Variants in NCOA3 observed in about 807,000 individuals in gnomAD.
NCOA3 encodes nuclear receptor coactivator 3.
NCOA3 carries 51 observed loss-of-function variants against 158.8 expected under a neutral mutation model. That is an observed-to-expected ratio of 0.32 (90% CI 0.26 to 0.41). NCOA3 has a LOEUF of 0.41. Among genes scored for constraint, NCOA3 ranks in the 10% least tolerant of loss-of-function variants. The pLI is 1.00. For missense variants in NCOA3, 1,510 were observed against 1,746.6 expected (o/e 0.86, Z 2.41); for synonymous variants, 537 against 592.4 (o/e 0.91, Z 1.36).
chr20:47,526,361 C>T (rs1237818589), intron 1 of NCOA3, among the ~76,000 whole-genome samples: 24 of 152,084 alleles, frequency 1.6e-4, no homozygotes, highest in Non-Finnish European at 2.2e-4. Flanking sequence ...GACGGGGTGG[C>T]GGCCGGGCAG....
chr20:47,505,003 G>GGTTTTTTTT (rs2084004306), intron 1 of NCOA3, among the ~76,000 whole-genome samples: 2 of 28,550 alleles, frequency 7.0e-5, no homozygotes, highest in African/African-American at 1.8e-4. Context: ...TGGGTTTTTG[G>GGTTTTTTTT]TTTTTTTTTT....
chr20:47,554,043 C>T (rs1395323968), intron 1 of NCOA3, among the ~76,000 whole-genome samples: 1 of 152,218 alleles, frequency 6.6e-6, no homozygotes, highest in Non-Finnish European at 1.5e-5. Context: ...TATTTCTCCA[C>T]ATCCTCTCCA....
intron 2 of NCOA3, among the ~76,000 whole-genome samples, chr20:47,596,434 T>C (rs981228008): frequency 6.6e-5 from 10 of 152,242 alleles, no homozygotes; most frequent in Admixed American, 2.6e-4. Context: ...GAGTTTCTTC[T>C]AGCTTTTGAA....
chr20:47,537,809 G>A (rs1478436770), intron 1 of NCOA3, among the ~76,000 whole-genome samples: 1 of 152,060 alleles, frequency 6.6e-6, no homozygotes, highest in Non-Finnish European at 1.5e-5. Flanking sequence ...TTGATCTCCT[G>A]ACCTGGTTGT....
At chr20:47,502,552 C>T (rs1223822861) in intron 1 of NCOA3, among the ~76,000 whole-genome samples, 1 of 151,746 alleles carries the variant, frequency 6.6e-6, no homozygotes, top group East Asian at 1.9e-4. Context: ...TATTTTAACA[C>T]GAATTGTCCG....
At chr20:47,613,401 G>C (rs541403129) in intron 2 of NCOA3, among the ~76,000 whole-genome samples, 10 of 148,114 alleles carry the variant, frequency 6.8e-5, no homozygotes, top group African/African-American at 2.0e-4. Context: ...GCTAGCCTGA[G>C]AGTTCTAGTA....
intron 1 of NCOA3, among the ~76,000 whole-genome samples, chr20:47,502,411 T>A (rs1364516182): frequency 6.6e-6 from 1 of 152,176 alleles, no homozygotes; most frequent in Non-Finnish European, 1.5e-5. Flanking sequence ...GTCGTCCTCC[T>A]GCTGCCCCGG....
At chr20:47,529,839 A>G (rs1326722022) in intron 1 of NCOA3, among the ~76,000 whole-genome samples, 2 of 152,238 alleles carry the variant, frequency 1.3e-5, no homozygotes, top group Non-Finnish European at 1.5e-5. Flanking sequence ...TAAGAAGGCT[A>G]GTTTAAAAAG....
intron 2 of NCOA3, among the ~76,000 whole-genome samples, chr20:47,587,622 A>G (rs2085555953): frequency 6.6e-6 from 1 of 152,228 alleles, no homozygotes; most frequent in African/African-American, 2.4e-5. Context: ...ATTACTTATA[A>G]GAATCTAACA....
At chr20:47,599,194 A>G (rs968297976) in intron 2 of NCOA3, among the ~76,000 whole-genome samples, 7 of 152,204 alleles carry the variant, frequency 4.6e-5, no homozygotes, top group Admixed American at 2.0e-4. Flanking sequence ...CTGAACCGAT[A>G]TGTGCTACAA....
chr20:47,647,404 C>T (rs761177687), intron 18 of NCOA3, 38 bp downstream of exon 18: 1 of 1,582,056 alleles, frequency 6.3e-7, no homozygotes, highest in Admixed American at 1.7e-5. Context: ...GCTTCTCCTT[C>T]TGTTGTTTTC....
At chr20:47,630,689 C>T (rs1213971038) in intron 8 of NCOA3, 3 of 152,116 alleles carry the variant, frequency 2.0e-5, no homozygotes, top group Non-Finnish European at 4.4e-5. Flanking sequence ...GTCTCGAACT[C>T]CTGACCTCAT....
intron 1 of NCOA3, among the ~76,000 whole-genome samples, chr20:47,580,333 G>A (rs1320978935): frequency 2.0e-5 from 3 of 152,034 alleles, no homozygotes. Flanking sequence ...GGGAGGCCGA[G>A]GTGGGCAGAT....
chr20:47,620,133 G>T (rs568145190), intron 2 of NCOA3, among the ~76,000 whole-genome samples: 1 of 152,030 alleles, frequency 6.6e-6, no homozygotes, highest in South Asian at 2.1e-4. Flanking sequence ...GTTTTTAAGA[G>T]ACAGAGTCTC....
chr20:47,571,537 C>T (rs978443937), intron 1 of NCOA3, among the ~76,000 whole-genome samples: 2 of 151,602 alleles, frequency 1.3e-5, no homozygotes, highest in Admixed American at 6.6e-5. Flanking sequence ...AGGCTGGTCT[C>T]GAACTCCTGG....
chr20:47,539,445 G>A (rs2146124978), intron 1 of NCOA3, among the ~76,000 whole-genome samples: 1 of 152,304 alleles, frequency 6.6e-6, no homozygotes, highest in South Asian at 2.1e-4. Flanking sequence ...TCAGAATGGT[G>A]GCAGACACAT....
chr20:47,639,016 A>ACAACAG lies in NCOA3; in HGVS notation c.2521_2522insCAACAG (p.Ser841delinsThrThrGly). The ACAACAG allele has an allele frequency of 6.3e-7, 1 of 1,591,410 alleles. No homozygotes were observed. Among genetic ancestry groups the ACAACAG allele is most frequent in the Non-Finnish European group, 8.6e-7 (1 of 1,168,870 alleles). ...TATTGTGTTTTCAACAGGTTTGAAA[A>ACAACAG]GTTCACAGTCTGTGCAGTCTATTCG... On this transcript the variant is annotated protein_altering_variant, in exon 14 of 23. Coordinates refer to ENST00000371998, the MANE Select transcript of NCOA3 (RefSeq NM_181659.3).
chr20:47,550,211 G>A (rs183651369), intron 1 of NCOA3, among the ~76,000 whole-genome samples: 2 of 151,376 alleles, frequency 1.3e-5, no homozygotes, highest in African/African-American at 2.4e-5. Context: ...TTGGGAGGCC[G>A]AGGTGGGCAA....
intron 2 of NCOA3, among the ~76,000 whole-genome samples, chr20:47,613,890 A>G (rs2086086671): frequency 6.6e-6 from 1 of 151,496 alleles, no homozygotes; most frequent in South Asian, 2.1e-4. Flanking sequence ...TGGGCGACAG[A>G]GCAAGACTCT....
Sources: allele counts gnomAD v4.1 joint callset (sites outside exome capture counted in the v4.1 genomes callset), GRCh38; gene constraint gnomAD v4.1.1; transcripts MANE v1.5; gene names NCBI Gene and HGNC (gene_info 2026-07-23, HGNC 2026-07-21).